Variants in CADM2 observed in about 807,000 individuals in gnomAD.
CADM2 encodes the protein cell adhesion molecule 2.
In CADM2, 12 loss-of-function variants were observed where a neutral mutation model predicts 49.8. The ratio of observed to expected loss-of-function variants is 0.24; its 90% CI spans 0.15 to 0.39. The LOEUF is 0.39. CADM2 is among the 10% of genes least tolerant of loss of function. The pLI, the probability that CADM2 is intolerant of heterozygous loss-of-function variation, is 1.00. For synonymous variants in CADM2, 214 were observed against 175.4 expected (o/e 1.22, Z -1.74); for missense variants, 378 against 492.3 (o/e 0.77, Z 2.20).
At chr3:85,354,353 TG>T (rs890464790) in intron 1 of CADM2, among the ~76,000 whole-genome samples, 14 of 56,418 alleles carry the variant, frequency 2.5e-4, no homozygotes, top group Admixed American at 1.2e-3. Context: ...GGGACTGTTG[TG>T]GGGTGGGGGG....
intron 2 of CADM2, among the ~76,000 whole-genome samples, chr3:85,745,448 A>T (rs987412732): frequency 6.6e-6 from 1 of 152,064 alleles, no homozygotes; most frequent in Admixed American, 6.5e-5. Flanking sequence ...TTTGATTCTG[A>T]CACAACAAAT....
chr3:85,534,464 TGGTAAGTTA>T (rs1409259418), intron 1 of CADM2, among the ~76,000 whole-genome samples: 3 of 152,206 alleles, frequency 2.0e-5, no homozygotes, highest in Admixed American at 6.5e-5. Context: ...GAGATGATGT[TGGTAAGTTA>T]TGGCCCATTG....
chr3:85,733,805 A>G (rs1461669552), intron 2 of CADM2, among the ~76,000 whole-genome samples: 5 of 152,114 alleles, frequency 3.3e-5, no homozygotes, highest in African/African-American at 1.2e-4. Context: ...ATCTCATCTG[A>G]AAGGCAAGAT....
chr3:85,138,848 A>G (rs1035221305), intron 1 of CADM2, among the ~76,000 whole-genome samples: 5 of 152,180 alleles, frequency 3.3e-5, no homozygotes, highest in Non-Finnish European at 1.5e-5. Flanking sequence ...TTGCTTTTAC[A>G]GTAAAAGTAT....
At chr3:85,638,729 G>A (rs1007780847) in intron 1 of CADM2, among the ~76,000 whole-genome samples, 6 of 151,982 alleles carry the variant, frequency 3.9e-5, no homozygotes, top group Admixed American at 3.9e-4. Flanking sequence ...TCCCCTCCCT[G>A]AAGGTTTCTT....
chr3:85,075,070 G>A (rs1223776449), intron 1 of CADM2, among the ~76,000 whole-genome samples: 1 of 151,922 alleles, frequency 6.6e-6, no homozygotes, highest in Non-Finnish European at 1.5e-5. Context: ...ATAAAGGAGG[G>A]GAAAAAAGAA....
chr3:85,153,795 T>C (rs1403714661), intron 1 of CADM2, among the ~76,000 whole-genome samples: 1 of 151,984 alleles, frequency 6.6e-6, no homozygotes, highest in Non-Finnish European at 1.5e-5. Context: ...ACCCCCGAGC[T>C]GCCTAACTGG....
chr3:85,553,182 C>T (rs895297478), intron 1 of CADM2, among the ~76,000 whole-genome samples: 2 of 151,950 alleles, frequency 1.3e-5, no homozygotes, highest in Non-Finnish European at 2.9e-5. Flanking sequence ...ATATAATTGT[C>T]CATCTAAAAC....
chr3:85,590,100 G>T (rs1312214581), intron 1 of CADM2, among the ~76,000 whole-genome samples: 1 of 151,946 alleles, frequency 6.6e-6, no homozygotes. Context: ...TCAGCTTGCT[G>T]GTCATGGATA....
chr3:85,949,154 C>T (rs1723091583), intron 7 of CADM2, among the ~76,000 whole-genome samples: 2 of 151,124 alleles, frequency 1.3e-5, no homozygotes, highest in Admixed American at 1.3e-4. Context: ...TTTCAAATTG[C>T]AAATTGTGGC....
At chr3:85,370,334 A>C (rs2033133461) in intron 1 of CADM2, among the ~76,000 whole-genome samples, 1 of 151,616 alleles carries the variant, frequency 6.6e-6, no homozygotes, top group African/African-American at 2.4e-5. Context: ...AGGCAGGAGA[A>C]TTGCTTGACC....
At chr3:85,413,166 AT>A (rs201507207) in intron 1 of CADM2, among the ~76,000 whole-genome samples, 251 of 116,878 alleles carry the variant, frequency 2.1e-3, no homozygotes, top group East Asian at 3.5e-3. Context: ...AAAAAAAATA[AT>A]AATAATAATA....
chr3:85,476,031 C>A (rs1167124883), intron 1 of CADM2, among the ~76,000 whole-genome samples: 1 of 151,852 alleles, frequency 6.6e-6, no homozygotes, highest in African/African-American at 2.4e-5. Context: ...ACTAATGAAT[C>A]ATTGAAGAAA....
intron 1 of CADM2, among the ~76,000 whole-genome samples, chr3:85,037,007 A>G (rs13075770): frequency 8.3e-4 from 72 of 86,502 alleles, no homozygotes; most frequent in Middle Eastern, 0.014. Context: ...GAAAAAAAAA[A>G]AAAAAAAAAA....
intron 1 of CADM2, among the ~76,000 whole-genome samples, chr3:85,049,327 GTTTATTTATTTA>G (rs141705505): frequency 1.8e-4 from 26 of 146,238 alleles, no homozygotes; most frequent in Middle Eastern, 6.9e-3. Context: ...TGCAGGTTTA[GTTTATTTATTTA>G]TTTATTTATT....
intron 1 of CADM2, among the ~76,000 whole-genome samples, chr3:85,692,292 G>A (rs778695069): frequency 6.6e-6 from 1 of 152,104 alleles, no homozygotes; most frequent in South Asian, 2.1e-4. Flanking sequence ...TGACTGATCA[G>A]GGTAGGCTGA....
chr3:86,060,375 C>A (rs1738485766), intron 8 of CADM2, among the ~76,000 whole-genome samples: 1 of 152,144 alleles, frequency 6.6e-6, no homozygotes, highest in African/African-American at 2.4e-5. Context: ...ATTCCATTCA[C>A]TAGGTACAGA....
intron 3 of CADM2, among the ~76,000 whole-genome samples, chr3:85,855,951 T>C (rs566298384): frequency 1.4e-4 from 21 of 152,268 alleles, no homozygotes; most frequent in South Asian, 1.2e-3. Flanking sequence ...CTTAACTAAT[T>C]ATACGCTTTT....
intron 1 of CADM2, among the ~76,000 whole-genome samples, chr3:85,056,210 G>T (rs1365041416): frequency 6.6e-6 from 1 of 152,026 alleles, no homozygotes; most frequent in African/African-American, 2.4e-5. Context: ...TTTAAACAGT[G>T]TCATCTGTTA....
Sources: allele counts gnomAD v4.1 joint callset (sites outside exome capture counted in the v4.1 genomes callset), GRCh38; gene constraint gnomAD v4.1.1; transcripts MANE v1.5; gene names NCBI Gene and HGNC (gene_info 2026-07-23, HGNC 2026-07-21).